CCSER1: variants seen among roughly 807,000 people sequenced by gnomAD.
CCSER1 encodes serine-rich coiled-coil domain-containing protein 1.
In CCSER1, 41 loss-of-function variants were observed where a neutral mutation model predicts 82.0. The observed-to-expected ratio is 0.50, with a 90% CI of 0.39 to 0.65. CCSER1 has a LOEUF of 0.65. Ranked by LOEUF, CCSER1 falls within the 30% of genes least tolerant of loss-of-function variation. CCSER1 has a pLI of 0.00. For synonymous variants in CCSER1, 414 were observed against 383.9 expected, an observed-to-expected ratio of 1.08 and a Z score of -0.92; for missense variants, 1,119 against 1,064.2, an observed-to-expected ratio of 1.05 and a Z score of -0.72.
rs566433956 is a variant in CCSER1, at chr4:90,932,502, A to C, written c.2172+9055A>C. ...CAAAGAAAGTGCTAATATAGAATGA[A>C]AAGTATTATGTTTTTAAGTTTTGGG... On this transcript the variant is annotated intron_variant, in intron 9 of 10. Coordinates refer to ENST00000509176, the MANE Select transcript of CCSER1 (RefSeq NM_001145065.2). 2.6e-5 allele frequency among the ~76,000 whole-genome samples: 4 copies of C among 152,142 alleles called. No homozygotes were observed. The South Asian group carries it at 8.3e-4, about 32-fold the overall frequency.
chr4:90,915,960 G>A (rs1424389130), intron 8 of CCSER1, among the ~76,000 whole-genome samples: 48 of 151,996 alleles, frequency 3.2e-4, no homozygotes, highest in Admixed American at 1.8e-3. Flanking sequence ...CTTACAAGGG[G>A]TGTGAAGGAC....
chr4:90,301,514 T>C (rs764943574), intron 1 of CCSER1, among the ~76,000 whole-genome samples: 1 of 152,188 alleles, frequency 6.6e-6, no homozygotes, highest in Non-Finnish European at 1.5e-5. Context: ...ATTTGTGTAG[T>C]AGTATTGTCT....
At chr4:90,866,231 G>A (rs1234482039) in intron 8 of CCSER1, among the ~76,000 whole-genome samples, 1 of 151,912 alleles carries the variant, frequency 6.6e-6, no homozygotes, top group African/African-American at 2.4e-5. Context: ...CTAGCACTGT[G>A]AATTTTACAA....
intron 5 of CCSER1, among the ~76,000 whole-genome samples, chr4:90,528,159 C>A (rs1339001863): frequency 1.3e-5 from 2 of 151,984 alleles, no homozygotes; most frequent in African/African-American, 4.8e-5. Flanking sequence ...GTGGCTATTG[C>A]AATATGAAAA....
rs867834979 is a variant in CCSER1 at position 90,708,610 on chromosome 4, G to T, written c.1933-15304G>T. On this transcript the variant is annotated intron_variant, in intron 6 of 10. Coordinates refer to ENST00000509176, the MANE Select transcript of CCSER1 (RefSeq NM_001145065.2). ...GTAAAAAAATCAACATAGTCACTTA[G>T]GTCAGTCTTTGTCTTTATTATTTAT... Among the ~76,000 whole-genome samples, 18 of 152,152 alleles carry T rather than the reference G, an allele frequency of 1.2e-4. No homozygotes were observed. In the Middle Eastern group the frequency reaches 0.017, roughly 144 times the overall value.
intron 8 of CCSER1, among the ~76,000 whole-genome samples, chr4:90,841,393 A>C (rs1049457553): frequency 3.3e-5 from 5 of 152,016 alleles, no homozygotes; most frequent in Non-Finnish European, 5.9e-5. Flanking sequence ...CCTGGCTAAC[A>C]CAATGAAACC....
chr4:90,369,441 AAAG>A (rs1032661077), intron 3 of CCSER1, among the ~76,000 whole-genome samples: 6 of 128,372 alleles, frequency 4.7e-5, no homozygotes, highest in Admixed American at 2.3e-4. Flanking sequence ...AGGTATAAAA[AAAG>A]AGAATTGAAG....
At chr4:90,905,797 G>A (rs934405104) in intron 8 of CCSER1, among the ~76,000 whole-genome samples, 3 of 152,170 alleles carry the variant, frequency 2.0e-5, no homozygotes, top group Admixed American at 6.6e-5. Flanking sequence ...TAGCTGTATA[G>A]TGGAGTTGTG....
intron 9 of CCSER1, among the ~76,000 whole-genome samples, chr4:91,002,664 T>G (rs978129004): frequency 6.6e-6 from 1 of 152,340 alleles, no homozygotes; most frequent in Non-Finnish European, 1.5e-5. Context: ...GTATCTTTTT[T>G]AAAATTTTCT....
chr4:90,539,637 A>G (rs1009762341), intron 5 of CCSER1, among the ~76,000 whole-genome samples: 5 of 152,078 alleles, frequency 3.3e-5, no homozygotes, highest in Non-Finnish European at 7.4e-5. Flanking sequence ...TGGCAAATAA[A>G]TGTTTGTTGA....
intron 5 of CCSER1, among the ~76,000 whole-genome samples, chr4:90,540,806 T>C (rs1449293488): frequency 1.3e-5 from 2 of 152,166 alleles, no homozygotes; most frequent in African/African-American, 4.8e-5. Context: ...AGCTTTAGTT[T>C]CCATATATGT....
chr4:90,896,485 T>C (rs1723734615), intron 8 of CCSER1, among the ~76,000 whole-genome samples: 1 of 151,982 alleles, frequency 6.6e-6, no homozygotes. Context: ...GGTAATATTC[T>C]GAAAATAATT....
At chr4:91,121,340 G>A (rs1334577993) in intron 10 of CCSER1, among the ~76,000 whole-genome samples, 1 of 151,636 alleles carries the variant, frequency 6.6e-6, no homozygotes. Context: ...AATACTGTTA[G>A]TATACTTCAA....
intron 8 of CCSER1, among the ~76,000 whole-genome samples, chr4:90,824,834 G>T (rs1179744401): frequency 1.3e-5 from 2 of 152,094 alleles, no homozygotes; most frequent in Non-Finnish European, 2.9e-5. Context: ...AAAAGTAATA[G>T]ATTAGGTATA....
At chr4:90,139,038 C>CT (rs1329939732) in intron 1 of CCSER1, among the ~76,000 whole-genome samples, 13 of 151,490 alleles carry the variant, frequency 8.6e-5, no homozygotes, top group Middle Eastern at 3.2e-3. Context: ...AGTTGGTAGA[C>CT]TTTTTTTTTG....
chr4:91,081,369 A>G (rs531079588), intron 9 of CCSER1, among the ~76,000 whole-genome samples: 2 of 152,218 alleles, frequency 1.3e-5, no homozygotes, highest in African/African-American at 2.4e-5. Flanking sequence ...ACAGCCCTTC[A>G]TGCAAAAAAC....
At chr4:90,830,602 T>C (rs892099921) in intron 8 of CCSER1, among the ~76,000 whole-genome samples, 5 of 152,152 alleles carry the variant, frequency 3.3e-5, no homozygotes, top group Admixed American at 2.0e-4. Context: ...AAAATTCTTC[T>C]AATTGCCACA....
At chr4:90,937,921 T>A (rs1181622450) in intron 9 of CCSER1, among the ~76,000 whole-genome samples, 1 of 152,138 alleles carries the variant, frequency 6.6e-6, no homozygotes, top group Non-Finnish European at 1.5e-5. Context: ...TTAACATGTA[T>A]CTGTCCTATT....
chr4:91,218,080 A>G (rs1406205617), intron 10 of CCSER1, among the ~76,000 whole-genome samples: 3 of 152,300 alleles, frequency 2.0e-5, no homozygotes, highest in African/African-American at 7.2e-5. Context: ...TGGGAGGCTC[A>G]GGCATGGAGG....
Sources: gnomAD v4.1 joint callset for allele counts (sites outside exome capture counted in the v4.1 genomes callset) on GRCh38, gnomAD v4.1.1 for gene constraint, MANE v1.5 for transcripts, NCBI Gene and HGNC (gene_info 2026-07-23, HGNC 2026-07-21) for gene names.